CDK13: variants seen among roughly 807,000 people sequenced by gnomAD.
The protein encoded by CDK13 is cyclin-dependent kinase 13.
In CDK13, 40 loss-of-function variants were observed where a neutral mutation model predicts 137.6. That is an observed-to-expected ratio of 0.29 (90% confidence interval 0.23 to 0.38). CDK13 has a LOEUF of 0.38. CDK13 is among the 10% of genes least tolerant of loss of function. The probability of loss-of-function intolerance (pLI) is 1.00; values close to 1 mark genes in which losing one functional copy is unlikely to be tolerated. For synonymous variants in CDK13, 869 were observed against 760.1 expected (o/e 1.14, Z -2.36); for missense variants, 1,704 against 1,951.8 (o/e 0.87, Z 2.39).
intron 7 of CDK13, among the ~76,000 whole-genome samples, chr7:40,053,918 C>CATAAGAATCTAAAGTTCTA (rs1251172827): frequency 2.6e-5 from 4 of 152,074 alleles, no homozygotes; most frequent in Non-Finnish European, 4.4e-5. Context: ...TTTAAAGTTA[C>CATAAGAATCTAAAGTTCTA]AGAAGTTTAG....
chr7:39,990,828 A>G (rs1215241607), intron 2 of CDK13, among the ~76,000 whole-genome samples: 1 of 152,246 alleles, frequency 6.6e-6, no homozygotes, highest in African/African-American at 2.4e-5. Context: ...CAAGCTGTAA[A>G]GTGTTATGCA....
chr7:40,043,686 A>T (rs1000696514), intron 5 of CDK13, among the ~76,000 whole-genome samples: 2 of 151,880 alleles, frequency 1.3e-5, no homozygotes, highest in Middle Eastern at 3.2e-3. Context: ...AATTAGCCAG[A>T]TGTGGTGGTG....
intron 1 of CDK13, among the ~76,000 whole-genome samples, chr7:39,971,120 A>G (rs567872712): frequency 1.3e-5 from 2 of 152,366 alleles, no homozygotes; most frequent in South Asian, 4.1e-4. Flanking sequence ...TTGGATTTCA[A>G]GTCCTGTGAC....
intron 5 of CDK13, among the ~76,000 whole-genome samples, chr7:40,037,925 T>C (rs1023095133): frequency 1.3e-5 from 2 of 152,226 alleles, no homozygotes; most frequent in Non-Finnish European, 2.9e-5. Context: ...TTGTAGACAG[T>C]TTATGCAACC....
intron 6 of CDK13, among the ~76,000 whole-genome samples, chr7:40,046,708 C>T (rs1439012517): frequency 6.6e-6 from 1 of 151,518 alleles, no homozygotes; most frequent in Non-Finnish European, 1.5e-5. Flanking sequence ...AGTTGTGTTA[C>T]ATAGCTGTTA....
intron 9 of CDK13, among the ~76,000 whole-genome samples, chr7:40,077,549 C>T (rs1344315133): frequency 2.6e-5 from 4 of 152,062 alleles, no homozygotes; most frequent in East Asian, 1.9e-4. Flanking sequence ...TAATTAAATT[C>T]GGATGACTAA....
At chr7:40,030,169 A>G (rs1472660904) in intron 5 of CDK13, among the ~76,000 whole-genome samples, 2 of 152,138 alleles carry the variant, frequency 1.3e-5, no homozygotes, top group Non-Finnish European at 2.9e-5. Flanking sequence ...TATACACTAT[A>G]TCTTTTCTAG....
rs2116058124 is a variant in CDK13, at chr7:39,951,215, G to A, written c.574G>A (p.Glu192Lys). ...ASSSGTQRRG[E>K]GSERRPRRDR... is the part of the protein sequence containing the mutation. ...CTCCTCCGGCACCCAGCGGCGCGGG[G>A]AGGGGTCGGAGCGCAGGCCCCGCCG... Residue 192 changes from glutamate to lysine, a missense_variant, in exon 1 of 14, where the codon GAG becomes AAG. By Grantham distance (56) the Glu-to-Lys change is moderately conservative (BLOSUM62 1). Transcript: ENST00000181839. The A allele has an allele frequency of 1.6e-6, 2 of 1,255,074 alleles. No homozygotes were observed. Among genetic ancestry groups the A allele is most frequent in the South Asian group, 3.2e-5 (1 of 31,104 alleles). 77.7% of individuals were successfully genotyped at this position (1,255,074 alleles called of 1,614,324 possible). A position where few individuals can be genotyped will look rare whatever the true frequency, so the allele number is the denominator to read the frequency against.
chr7:39,951,970 A>G (rs1315503050), intron 1 of CDK13, 118 bp downstream of exon 1: 1 of 1,098,074 alleles, frequency 9.1e-7, no homozygotes. Flanking sequence ...AGACGAGACA[A>G]CACCGCCTGA....
At chr7:40,031,710 A>G (rs1014288120) in intron 5 of CDK13, among the ~76,000 whole-genome samples, 2 of 151,692 alleles carry the variant, frequency 1.3e-5, no homozygotes, top group Non-Finnish European at 2.9e-5. Context: ...TGGTGGCACA[A>G]TCATGGCTTA....
At chr7:39,996,763 G>C (rs979074357) in intron 2 of CDK13, among the ~76,000 whole-genome samples, 4 of 151,940 alleles carry the variant, frequency 2.6e-5, no homozygotes, top group African/African-American at 9.7e-5. Flanking sequence ...GGGAGTTCAA[G>C]ACCAGCCTGG....
At chr7:40,044,317 C>CTT (rs538722742) in intron 5 of CDK13, among the ~76,000 whole-genome samples, 2 of 144,522 alleles carry the variant, frequency 1.4e-5, no homozygotes. Context: ...AAGTCTTTTG[C>CTT]TTTTTTTTTT....
At chr7:39,977,161 G>T (rs1288975672) in intron 1 of CDK13, among the ~76,000 whole-genome samples, 1 of 152,158 alleles carries the variant, frequency 6.6e-6, no homozygotes, top group African/African-American at 2.4e-5. Flanking sequence ...TTGAATAGAA[G>T]ATGGAGGGCA....
chr7:40,053,145 T>C (rs997939367), intron 7 of CDK13, among the ~76,000 whole-genome samples: 1 of 152,158 alleles, frequency 6.6e-6, no homozygotes, highest in Non-Finnish European at 1.5e-5. Flanking sequence ...TCCCCCCTCC[T>C]TCTGTTGGGG....
At chr7:40,046,405 A>G (rs531413196) in intron 6 of CDK13, among the ~76,000 whole-genome samples, 6 of 152,284 alleles carry the variant, frequency 3.9e-5, no homozygotes, top group Admixed American at 6.5e-5. Flanking sequence ...GCACCTTGAG[A>G]AGTAGAGACG....
chr7:40,029,526 C>G (rs977261740), intron 5 of CDK13, among the ~76,000 whole-genome samples: 1 of 151,568 alleles, frequency 6.6e-6, no homozygotes, highest in Admixed American at 6.6e-5. Context: ...TTGAGATCAT[C>G]CTGGCCAACA....
intron 5 of CDK13, among the ~76,000 whole-genome samples, chr7:40,041,449 AT>A (rs1442924900): frequency 6.6e-6 from 1 of 152,190 alleles, no homozygotes; most frequent in African/African-American, 2.4e-5. Flanking sequence ...TGTCTTCAAA[AT>A]TCAGTATGTG....
intron 11 of CDK13, among the ~76,000 whole-genome samples, chr7:40,087,639 C>T (rs192179068): frequency 1.9e-4 from 29 of 151,118 alleles, no homozygotes; most frequent in Admixed American, 1.9e-3. Flanking sequence ...ACCTCCACCT[C>T]CCGGGTTCAT....
Position 39,951,250 on chromosome 7 carries a change from C to T in CDK13, c.609C>T (p.Arg203=). The part of the protein sequence containing the change: ...GSERRPRRDR[R]SSSGRSKERH... The stretch of plus-strand genomic sequence containing the variant: ...AGCGCAGGCCCCGCCGGGACCGCCG[C>T]AGCAGCAGTGGCCGCAGCAAGGAGC... Residue 203 remains arginine, a synonymous_variant, in exon 1 of 14, where the codon CGC becomes CGT. Coordinates refer to ENST00000181839, the MANE Select transcript of CDK13 (RefSeq NM_003718.5). 2 of 1,315,452 alleles carry T rather than the reference C, an allele frequency of 1.5e-6. No individual in the cohort carries two copies. Among genetic ancestry groups the T allele is most frequent in the South Asian group, 4.3e-5 (2 of 46,898 alleles). 81.5% of individuals were successfully genotyped at this position (1,315,452 alleles called of 1,614,324 possible).
Sources: gnomAD v4.1 joint callset for allele counts (sites outside exome capture counted in the v4.1 genomes callset) on GRCh38, gnomAD v4.1.1 for gene constraint, MANE v1.5 for transcripts, NCBI Gene and HGNC (gene_info 2026-07-23, HGNC 2026-07-21) for gene names.